The following TRAPPC11 variants were observed in gnomAD, a reference collection of about 807,000 sequenced individuals.
TRAPPC11 encodes the protein foie gras homolog.
A neutral mutation model predicts 151.2 loss-of-function variants in TRAPPC11; 104 were observed. That is an observed-to-expected ratio of 0.69 (90% CI 0.59 to 0.81). TRAPPC11 has a LOEUF of 0.81. TRAPPC11 is among the 30% of genes least tolerant of loss of function. The probability of loss-of-function intolerance (pLI) is 0.00; values close to 1 mark genes in which losing one functional copy is unlikely to be tolerated. For missense variants in TRAPPC11, 1,230 were observed against 1,349.6 expected (o/e 0.91, Z 1.39); for synonymous variants, 456 against 472.3 (o/e 0.97, Z 0.45).
At chr4:183,685,024 T>C in intron 15 of TRAPPC11, 60 bp from the exon 16 acceptor site, 1 of 1,507,730 alleles carries the variant, frequency 6.6e-7, no homozygotes. Flanking sequence ...AAACAATAAA[T>C]GGGGGTAGTA....
intron 5 of TRAPPC11, among the ~76,000 whole-genome samples, chr4:183,673,821 A>G (rs1434111176): frequency 1.3e-5 from 2 of 152,348 alleles, no homozygotes; most frequent in Middle Eastern, 3.4e-3. Flanking sequence ...CCCTAGGCAG[A>G]TAACTCCTGA....
rs1734341150 is a variant in TRAPPC11 at position 183,659,407 on chromosome 4, G to T, written c.-62G>T. 1 of 158,128 alleles carries T rather than the reference G, an allele frequency of 6.3e-6. No homozygotes were observed. Among genetic ancestry groups the T allele is most frequent in the Non-Finnish European group, 1.4e-5 (1 of 71,944 alleles). 9.8% of individuals were successfully genotyped at this position (158,128 alleles called of 1,614,324 possible). ...CCCTCGTCTTCTCCCGGCTGGCGGC[G>T]ACCGGCCTCAGCTGCAGCGGGCCCG... On this transcript the variant is annotated 5_prime_UTR_variant, in exon 1 of 30. Transcript: ENST00000334690.
At chr4:183,671,959 C>G (rs185132604) in intron 5 of TRAPPC11, among the ~76,000 whole-genome samples, 17 of 152,240 alleles carry the variant, frequency 1.1e-4, no homozygotes, top group Non-Finnish European at 2.4e-4. Flanking sequence ...ACAGGTCAAA[C>G]AATAAAATAC....
Position 183,710,447 on chromosome 4 carries a change from T to G in TRAPPC11, c.3357+1873T>G, listed in dbSNP as rs112998473. Among the ~76,000 whole-genome samples, 9 of 151,278 alleles carry G rather than the reference T, an allele frequency of 5.9e-5. No individual in the cohort carries two copies. In the South Asian group the frequency reaches 6.3e-4, roughly 11 times the overall value. On this transcript the variant is annotated intron_variant, in intron 29 of 29. Coordinates refer to ENST00000334690, the MANE Select transcript of TRAPPC11 (RefSeq NM_021942.6). ...GACTACAAGCGCCTGCCACCACGCC[T>G]GGCTAATTTTTTGTATTTTTAGTAG...
rs1371526686 is a variant in TRAPPC11 at position 183,684,232 on chromosome 4, C to T, written c.1366+9C>T. 1.9e-6 allele frequency: 3 copies of T among 1,613,450 alleles called. No individual in the cohort carries two copies. Among genetic ancestry groups the T allele is most frequent in the Non-Finnish European group, 2.5e-6 (3 of 1,179,430 alleles). On this transcript the variant is annotated intron_variant, in intron 13 of 29. Coordinates refer to ENST00000334690, the MANE Select transcript of TRAPPC11 (RefSeq NM_021942.6). Reference sequence around the variant, plus strand: ...AATGAAAAGTCACCTAAGTATGTATCCACAAACGTCACCATTGCATGCAAC... The same window carrying T: ...AATGAAAAGTCACCTAAGTATGTATTCACAAACGTCACCATTGCATGCAAC...
intron 28 of TRAPPC11, 55 bp downstream of exon 28, chr4:183,706,995 G>A (rs1477827596): frequency 2.7e-5 from 43 of 1,595,808 alleles, no homozygotes; most frequent in Non-Finnish European, 3.4e-5. Flanking sequence ...CCAGGAAACG[G>A]AGAGCTGTAC....
At chr4:183,692,377 A>G (rs1018948729) in intron 19 of TRAPPC11, among the ~76,000 whole-genome samples, 2 of 152,174 alleles carry the variant, frequency 1.3e-5, no homozygotes, top group Admixed American at 1.3e-4. Context: ...CATTAAAAAA[A>G]AAAAAACTTT....
At position 183,706,802 on chromosome 4, in the gene TRAPPC11, T is replaced by C; in HGVS notation, c.3056-5T>C. 6.2e-7 allele frequency: 1 copy of C among 1,611,166 alleles called. No homozygotes were observed. The highest frequency in any genetic ancestry group is 1.1e-5 in the South Asian group (1 of 90,640). ...CCAAGAGAAGTGTGTCATCTTTCTCTGTAGATCTGCCGTCATTTGGGCGTG... is the reference window on the plus strand; with the variant it reads ...CCAAGAGAAGTGTGTCATCTTTCTCCGTAGATCTGCCGTCATTTGGGCGTG... On this transcript the variant is annotated splice_polypyrimidine_tract_variant and splice_region_variant and intron_variant, in intron 27 of 29. Coordinates refer to ENST00000334690, the MANE Select transcript of TRAPPC11 (RefSeq NM_021942.6).
chr4:183,700,044 C>T (rs1736729013), intron 25 of TRAPPC11, among the ~76,000 whole-genome samples: 1 of 152,134 alleles, frequency 6.6e-6, no homozygotes, highest in South Asian at 2.1e-4. Context: ...GATCTCCTGA[C>T]CGCGTGATCT....
In TRAPPC11 at chr4:183,664,000, A is replaced by T. The variant is rs1734707729; in HGVS notation, c.133A>T (p.Arg45Ter). The T allele has an allele frequency of 6.2e-7, 1 of 1,613,892 alleles. No homozygotes were observed. Among genetic ancestry groups the T allele is most frequent in the Non-Finnish European group, 8.5e-7 (1 of 1,180,008 alleles). ...CTGGGACGCCTTCTGTGCAAATCGG[A>T]GAGCTGATCGAGTACCAATTTCTTT... ...AVWDAFCANR[R>*]ADRVPISFKV... The change falls in exon 2 of 30, where the codon AGA (arginine) becomes TGA (stop). Residue 45 changes from arginine (R) to a stop codon, truncating the protein, a stop_gained. Transcript: ENST00000334690. LOFTEE classifies it high-confidence loss of function.
intron 1 of TRAPPC11, among the ~76,000 whole-genome samples, chr4:183,659,896 GA>G (rs914601905): frequency 1.3e-5 from 2 of 149,938 alleles, no homozygotes; most frequent in African/African-American, 2.5e-5. Context: ...TTAGTTAAAA[GA>G]AAAAAAAAGT....
rs754321747 is a variant in TRAPPC11 at position 183,693,641 on chromosome 4, G to A, written c.2290G>A (p.Ala764Thr). ...TGTACATCTGCTACATGAACCCCCT[G>A]CACTGACTAATGAAATGTATTGTTT... ...ISVHLLHEPP[A>T]LTNEMYCLVV... Residue 764 changes from alanine (A) to threonine (T), a missense_variant, in exon 21 of 30, where the codon GCA becomes ACA. Ala to Thr is a moderately conservative substitution (Grantham distance 58). Coordinates refer to ENST00000334690, the MANE Select transcript of TRAPPC11 (RefSeq NM_021942.6). The A allele has an allele frequency of 2.5e-6, 4 of 1,614,016 alleles. No homozygotes were observed. Among genetic ancestry groups the A allele is most frequent in the Non-Finnish European group, 3.4e-6 (4 of 1,180,008 alleles).
chr4:183,667,317 A>G (rs575215122), intron 4 of TRAPPC11, among the ~76,000 whole-genome samples, 187 bp downstream of exon 4: 3 of 152,212 alleles, frequency 2.0e-5, no homozygotes, highest in African/African-American at 7.2e-5. Flanking sequence ...ATAGTGAAGA[A>G]TGCAAATCTC....
At chr4:183,692,206 A>G (rs1314726418) in intron 19 of TRAPPC11, among the ~76,000 whole-genome samples, 1 of 152,200 alleles carries the variant, frequency 6.6e-6, no homozygotes, top group Non-Finnish European at 1.5e-5. Context: ...TGATTAGCAC[A>G]CAGTAAGCAT....
chr4:183,703,170 C>T (rs1474918173), intron 26 of TRAPPC11, among the ~76,000 whole-genome samples: 1 of 152,128 alleles, frequency 6.6e-6, no homozygotes, highest in Non-Finnish European at 1.5e-5. Flanking sequence ...CTGACAAAGG[C>T]AGAAAATAAA....
chr4:183,691,189 TCCTTTTATTAGTAAC>T, intron 18 of TRAPPC11, 112 bp from the exon 19 acceptor site: 1 of 680,392 alleles, frequency 1.5e-6, no homozygotes, highest in Non-Finnish European at 2.2e-6. Context: ...AAAAAATACT[TCCTTTTATTAGTAAC>T]CCTTCATAAT....
At chr4:183,661,888 A>G (rs1056159630) in intron 1 of TRAPPC11, among the ~76,000 whole-genome samples, 1 of 150,874 alleles carries the variant, frequency 6.6e-6, no homozygotes, top group African/African-American at 2.4e-5. Context: ...CAGCCTCCCA[A>G]GTGGCTGGGA....
rs1395867726 is a variant in TRAPPC11 at position 183,697,535 on chromosome 4, A to G, written c.2661A>G (p.Pro887=). 3 of 1,604,862 alleles carry G rather than the reference A, an allele frequency of 1.9e-6. No homozygotes were observed. The highest frequency in any genetic ancestry group is 2.3e-5 in the South Asian group (2 of 88,586). Residue 887 remains proline, a synonymous_variant, in exon 24 of 30, where the codon CCA becomes CCG. Coordinates refer to ENST00000334690, the MANE Select transcript of TRAPPC11 (RefSeq NM_021942.6). Reference sequence around the variant, plus strand: ...CTGTAACAATTGAAACAGTCTTTCCATTTGATGTTGCGGTTAAATTTGTTT... The same window carrying G: ...CTGTAACAATTGAAACAGTCTTTCCGTTTGATGTTGCGGTTAAATTTGTTT... The part of the protein sequence containing the change: ...DETVTIETVF[P]FDVAVKFVST...
chr4:183,697,397 G>A (rs1381967121), intron 23 of TRAPPC11, 106 bp from the exon 24 acceptor site: 8 of 1,011,074 alleles, frequency 7.9e-6, no homozygotes, highest in Non-Finnish European at 1.2e-5. Context: ...TTCTTAGTAT[G>A]TATAATTTGG....
Sources: allele counts gnomAD v4.1 joint callset (sites outside exome capture counted in the v4.1 genomes callset), GRCh38; gene constraint gnomAD v4.1.1; transcripts MANE v1.5; gene names NCBI Gene and HGNC (gene_info 2026-07-23, HGNC 2026-07-21).